ZNF804B: variants seen among roughly 807,000 people sequenced by gnomAD.
ZNF804B encodes zinc finger protein 804B, also known as zinc finger 804B.
In ZNF804B, 80 loss-of-function variants were observed where a neutral mutation model predicts 101.4. That is an observed-to-expected ratio of 0.79 (90% CI 0.66 to 0.95). The LOEUF (loss-of-function observed/expected upper bound fraction) is 0.95, where lower values mean the gene tolerates loss of function less well. Among genes scored for constraint, ZNF804B ranks in the 40% least tolerant of loss-of-function variants. The pLI is 0.00. For synonymous variants in ZNF804B, 622 were observed against 558.8 expected (o/e 1.11, Z -1.59); for missense variants, 1,673 against 1,561.9 (o/e 1.07, Z -1.20).
At position 89,317,201 on chromosome 7, in the gene ZNF804B, T is replaced by C. The variant is rs370269482; in HGVS notation, c.250-10143T>C. ...ACAGTGGGAGGGACAAGAATTCTAT[T>C]TGTATTCCAGAACTTGTACAGAGAA... On this transcript the variant is annotated intron_variant, in intron 2 of 3. Coordinates refer to ENST00000333190, the MANE Select transcript of ZNF804B (RefSeq NM_181646.5). Among the ~76,000 whole-genome samples, 3 of 152,216 alleles carry C rather than the reference T, an allele frequency of 2.0e-5. No individual in the cohort carries two copies. In the South Asian group the frequency reaches 6.2e-4, roughly 31 times the overall value.
At chr7:89,071,730 T>A (rs1312067523) in intron 1 of ZNF804B, among the ~76,000 whole-genome samples, 1 of 151,996 alleles carries the variant, frequency 6.6e-6, no homozygotes, top group Non-Finnish European at 1.5e-5. Flanking sequence ...ATATTTGAAA[T>A]TTTTTAAGTA....
chr7:89,227,645 C>G (rs947011469), intron 2 of ZNF804B, among the ~76,000 whole-genome samples: 2 of 152,084 alleles, frequency 1.3e-5, no homozygotes, highest in Non-Finnish European at 2.9e-5. Flanking sequence ...CTTAATTAAA[C>G]AGCAATTATG....
Position 89,063,534 on chromosome 7 carries a change from TAGAG to T in ZNF804B, c.109-154615_109-154612del, listed in dbSNP as rs533870801. 1.9e-3 allele frequency among the ~76,000 whole-genome samples: 283 copies of T among 152,158 alleles called. 1 individual carries two copies. The highest frequency in any genetic ancestry group is 3.4e-3 in the Non-Finnish European group (231 of 67,998). Reference sequence around the variant, plus strand: ...AGTTTCATGCCATTCAGTTAATTATTAGAGAGAGAAACTGGTAGTAATCAAGGTG... The same window carrying T: ...AGTTTCATGCCATTCAGTTAATTATTAGAGAAACTGGTAGTAATCAAGGTG... On this transcript the variant is annotated intron_variant, in intron 1 of 3. Coordinates refer to ENST00000333190, the MANE Select transcript of ZNF804B (RefSeq NM_181646.5).
chr7:89,201,152 G>T (rs1319714115), intron 1 of ZNF804B, among the ~76,000 whole-genome samples: 3 of 151,930 alleles, frequency 2.0e-5, no homozygotes. Context: ...CTACTAAAAA[G>T]AGTGTAAATG....
chr7:89,221,040 A>C (rs1016516503), intron 2 of ZNF804B, among the ~76,000 whole-genome samples: 1 of 151,946 alleles, frequency 6.6e-6, no homozygotes, highest in Non-Finnish European at 1.5e-5. Context: ...AAGGAGGCAT[A>C]TAATGTCTGG....
intron 1 of ZNF804B, among the ~76,000 whole-genome samples, chr7:89,016,907 A>G (rs1341805928): frequency 2.0e-5 from 3 of 152,194 alleles, no homozygotes; most frequent in Non-Finnish European, 2.9e-5. Context: ...GATGGCATTG[A>G]ATCTATAAAT....
intron 1 of ZNF804B, among the ~76,000 whole-genome samples, chr7:89,085,917 T>G (rs1789793109): frequency 6.6e-6 from 1 of 152,002 alleles, no homozygotes; most frequent in African/African-American, 2.4e-5. Flanking sequence ...ATATTTAGAT[T>G]CTTCCGGGAT....
rs137857279 is a variant in ZNF804B, at chr7:88,851,617, A to G, written c.108+91533A>G. On this transcript the variant is annotated intron_variant, in intron 1 of 3. Transcript: ENST00000333190. ...GTAACACTAGCAGACCTACATTATAAGAAATGTTGAAGGAATTCTTAAGTA... is the reference window on the plus strand; with the variant it reads ...GTAACACTAGCAGACCTACATTATAGGAAATGTTGAAGGAATTCTTAAGTA... Among the ~76,000 whole-genome samples the G allele has an allele frequency of 4.9e-3, 749 of 152,244 alleles. 11 individuals carry two copies. The highest frequency in any genetic ancestry group is 0.017 in the African/African-American group (718 of 41,562).
chr7:88,847,906 G>A (rs1203565302), intron 1 of ZNF804B, among the ~76,000 whole-genome samples: 1 of 151,998 alleles, frequency 6.6e-6, no homozygotes, highest in African/African-American at 2.4e-5. Context: ...TCATATATAG[G>A]AATAATATAA....
intron 1 of ZNF804B, among the ~76,000 whole-genome samples, chr7:88,994,661 T>G (rs1479044219): frequency 6.6e-6 from 1 of 152,052 alleles, no homozygotes; most frequent in Non-Finnish European, 1.5e-5. Flanking sequence ...AATACCATCT[T>G]TTCGGAATAA....
At chr7:89,191,906 C>G (rs1788460055) in intron 1 of ZNF804B, among the ~76,000 whole-genome samples, 1 of 152,036 alleles carries the variant, frequency 6.6e-6, no homozygotes, top group Non-Finnish European at 1.5e-5. Flanking sequence ...TTAAATTATA[C>G]TTTGCTTACA....
chr7:89,232,862 T>G (rs2115742625), intron 2 of ZNF804B, among the ~76,000 whole-genome samples: 1 of 152,236 alleles, frequency 6.6e-6, no homozygotes, highest in African/African-American at 2.4e-5. Context: ...CATTGATTTC[T>G]GATTTCTCTT....
chr7:89,073,782 C>A (rs886563298), intron 1 of ZNF804B, among the ~76,000 whole-genome samples: 1 of 152,072 alleles, frequency 6.6e-6, no homozygotes, highest in African/African-American at 2.4e-5. Flanking sequence ...CTGTGTTTAA[C>A]TTCTGGTCAT....
intron 1 of ZNF804B, among the ~76,000 whole-genome samples, chr7:88,801,629 T>C (rs1790584705): frequency 6.6e-6 from 1 of 152,122 alleles, no homozygotes; most frequent in African/African-American, 2.4e-5. Flanking sequence ...GACTAAGTAA[T>C]GCCTCTTCTA....
At chr7:88,895,786 G>T (rs551099492) in intron 1 of ZNF804B, among the ~76,000 whole-genome samples, 13 of 152,292 alleles carry the variant, frequency 8.5e-5, no homozygotes, top group African/African-American at 2.2e-4. Flanking sequence ...GGAACAAGTT[G>T]TGCAACAGAA....
intron 1 of ZNF804B, among the ~76,000 whole-genome samples, chr7:89,004,677 C>G (rs780823665): frequency 6.6e-6 from 1 of 151,662 alleles, no homozygotes; most frequent in Non-Finnish European, 1.5e-5. Flanking sequence ...TCTTTTAAAA[C>G]TTAGAACCAA....
chr7:88,804,943 C>T (rs1246567475), intron 1 of ZNF804B, among the ~76,000 whole-genome samples: 1 of 151,750 alleles, frequency 6.6e-6, no homozygotes. Flanking sequence ...GTAAAGTTGC[C>T]GAAAAATGTG....
Position 89,333,534 on chromosome 7 carries a change from C to G in ZNF804B, c.552C>G (p.Thr184=). Residue 184 remains threonine (T), a synonymous_variant, in exon 4 of 4, where the codon ACC becomes ACG. Transcript: ENST00000333190. ...TCATATCCGATAAACAGCGGTCCACCATGCCAAATCGACACCAATTACAAT... is the reference window on the plus strand; with the variant it reads ...TCATATCCGATAAACAGCGGTCCACGATGCCAAATCGACACCAATTACAAT... ...PRIISDKQRS[T]MPNRHQLQSD... is the part of the protein sequence containing the mutation. 1 of 1,613,448 alleles carries G rather than the reference C, an allele frequency of 6.2e-7. No individual in the cohort carries two copies. Among genetic ancestry groups the G allele is most frequent in the Non-Finnish European group, 8.5e-7 (1 of 1,179,658 alleles).
At chr7:88,987,068 C>A (rs1793768862) in intron 1 of ZNF804B, among the ~76,000 whole-genome samples, 3 of 151,988 alleles carry the variant, frequency 2.0e-5, no homozygotes, top group African/African-American at 7.2e-5. Context: ...CTGCCTTTCC[C>A]ATAAGGATGG....
Sources: allele counts gnomAD v4.1 joint callset (sites outside exome capture counted in the v4.1 genomes callset), GRCh38; gene constraint gnomAD v4.1.1; transcripts MANE v1.5; gene names NCBI Gene and HGNC (gene_info 2026-07-23, HGNC 2026-07-21).